BCAM: variants seen among roughly 807,000 people sequenced by gnomAD.
BCAM encodes basal cell adhesion molecule (Lutheran blood group).
BCAM carries 61 observed loss-of-function variants against 72.4 expected under a neutral mutation model. The ratio of observed to expected loss-of-function variants is 0.84; its 90% confidence interval spans 0.69 to 1.04. BCAM has a LOEUF of 1.04. Ranked by LOEUF, BCAM falls within the 50% of genes least tolerant of loss-of-function variation. BCAM has a pLI of 0.00. For missense variants in BCAM, 909 were observed against 895.0 expected (o/e 1.02, Z -0.20); for synonymous variants, 408 against 384.2 (o/e 1.06, Z -0.73).
In BCAM at chr19:44,820,739, T is replaced by C. The variant is rs758296347; in HGVS notation, c.1798T>C (p.Ser600Pro). The change falls in exon 14 of 15, where the codon TCG (serine) becomes CCG (proline). Residue 600 changes from serine (S) to proline (P), a missense_variant. By Grantham distance (74) the Ser-to-Pro change is moderately conservative. Coordinates refer to ENST00000270233, the MANE Select transcript of BCAM (RefSeq NM_005581.5). ...PGEPGLSHSG[S>P]EQPEQTGLLM... ...GGAGCCAGGGCTGAGCCACTCGGGG[T>C]CGGAGCAACCAGAGCAGACCGGCCT... is the stretch of plus-strand genomic sequence containing the variant. 23 of 1,444,916 alleles carry C rather than the reference T, an allele frequency of 1.6e-5. No individual in the cohort carries two copies. In the East Asian group the frequency reaches 5.6e-4, roughly 35 times the overall value. 89.5% of individuals were successfully genotyped at this position (1,444,916 alleles called of 1,614,324 possible). A position where few individuals can be genotyped will look rare whatever the true frequency, so the allele number is the denominator to read the frequency against.
rs1251033835 is a variant in BCAM, at chr19:44,819,394, A to T, written c.1522A>T (p.Thr508Ser). 1 of 1,614,012 alleles carries T rather than the reference A, an allele frequency of 6.2e-7. No individual in the cohort carries two copies. ...GCAGGGTTGGGTGAGCAGCTCTCTG[A>T]CCCTGAAAGTGACCAGCGCCCTGAG... is the stretch of plus-strand genomic sequence containing the variant. ...GRQGWVSSSL[T>S]LKVTSALSRD... Residue 508 changes from threonine to serine, a missense_variant, in exon 12 of 15, where the codon ACC (threonine) becomes TCC (serine). Physicochemically the swap from Thr to Ser is moderately conservative, Grantham distance 58. Transcript: ENST00000270233.
rs114801603 is a variant in BCAM at position 44,812,284 on chromosome 19, G to A, written c.326G>A (p.Arg109His). ...CCATACCAGCTGGACTCCCAGGGGC[G>A]CCTGGTGCTGGCTGAGGCCCAGGTG... The part of the protein sequence containing the change: ...SPPYQLDSQG[R>H]LVLAEAQVGD... Residue 109 changes from arginine (R) to histidine (H), a missense_variant, in exon 3 of 15, where the codon CGC (arginine) becomes CAC (histidine). Coordinates refer to ENST00000270233, the MANE Select transcript of BCAM (RefSeq NM_005581.5). This position sits in a 1 kb window ranked among gnomAD's most constrained non-coding sequence, Gnocchi z 5.3. 2.0e-4 allele frequency: 330 copies of A among 1,611,326 alleles called. No individual in the cohort carries two copies. The African/African-American group carries it at 3.1e-3, about 15-fold the overall frequency.
Position 44,811,254 on chromosome 19 carries a change from C to A in BCAM, c.112C>A (p.Pro38Thr). 1.2e-6 allele frequency: 2 copies of A among 1,612,762 alleles called. No individual in the cohort carries two copies. The highest frequency in any genetic ancestry group is 8.5e-7 in the Non-Finnish European group (1 of 1,179,930). The change falls in exon 2 of 15, where the codon CCC (proline) becomes ACC (threonine). Residue 38 changes from proline (P) to threonine (T), a missense_variant. By Grantham distance (38) the Pro-to-Thr change is conservative. Coordinates refer to ENST00000270233, the MANE Select transcript of BCAM (RefSeq NM_005581.5). ...DAQAEVRLSV[P>T]PLVEVMRGKS... Reference sequence around the variant, plus strand: ...CCAGGCGGAGGTGCGCTTGTCTGTACCCCCGCTGGTGGAGGTGATGCGAGG... The same window carrying A: ...CCAGGCGGAGGTGCGCTTGTCTGTAACCCCGCTGGTGGAGGTGATGCGAGG...
At position 44,818,550 on chromosome 19, in the gene BCAM, G is replaced by A; in HGVS notation, c.1107G>A (p.Gly369=). ...AYLDPLELSE[G]KVLSLPLNSS... is the part of the protein sequence containing the mutation. ...TGGACCCCCTGGAGCTCAGCGAGGG[G>A]AAGGTGCTTTCCTTACCTCTAAACA... Residue 369 remains glycine, a synonymous_variant, in exon 9 of 15, where the codon GGG becomes GGA. Coordinates refer to ENST00000270233, the MANE Select transcript of BCAM (RefSeq NM_005581.5). This position sits in a 1 kb window ranked among gnomAD's most constrained non-coding sequence, Gnocchi z 4.6. 1 of 1,614,068 alleles carries A rather than the reference G, an allele frequency of 6.2e-7. No individual in the cohort carries two copies. The highest frequency in any genetic ancestry group is 8.5e-7 in the Non-Finnish European group (1 of 1,179,982).
intron 8 of BCAM, among the ~76,000 whole-genome samples, chr19:44,815,665 TA>T (rs1968495252): frequency 6.6e-6 from 1 of 151,616 alleles, no homozygotes; most frequent in African/African-American, 2.4e-5. Context: ...TCTAGGGAGG[TA>T]AAGGAAGCAA....
At position 44,814,378 on chromosome 19, in the gene BCAM, G is replaced by A. The variant is rs1421476871; in HGVS notation, c.921+90G>A. The stretch of plus-strand genomic sequence containing the variant: ...CTGCATAACTTCTAATGTGGGACCT[G>A]GGAGTCCCCATGGCTTAGGCAGCCA... On this transcript the variant is annotated intron_variant, in intron 7 of 14. Coordinates refer to ENST00000270233, the MANE Select transcript of BCAM (RefSeq NM_005581.5). The surrounding 1 kb of genome is among the most constrained non-coding windows in gnomAD (Gnocchi z 4.6). 6.6e-6 allele frequency: 10 copies of A among 1,504,550 alleles called. No individual in the cohort carries two copies. Among genetic ancestry groups the A allele is most frequent in the Non-Finnish European group, 8.8e-6 (10 of 1,130,022 alleles). 93.2% of individuals were successfully genotyped at this position (1,504,550 alleles called of 1,614,324 possible). A position where few individuals can be genotyped will look rare whatever the true frequency, so the allele number is the denominator to read the frequency against.
Position 44,813,696 on chromosome 19 carries a change from T to C in BCAM, c.784+76T>C. On this transcript the variant is annotated intron_variant, in intron 6 of 14. Transcript: ENST00000270233. This position sits in a 1 kb window ranked among gnomAD's most constrained non-coding sequence, Gnocchi z 4.2. ...AGGCCTGACCCTCCACCCGGGGGCT[T>C]CACACTCCCCTCTGACCCTCTGCCT... 1 of 1,534,308 alleles carries C rather than the reference T, an allele frequency of 6.5e-7. No individual in the cohort carries two copies. Among genetic ancestry groups the C allele is most frequent in the Non-Finnish European group, 8.8e-7 (1 of 1,135,324 alleles).
rs1041940053 is a variant in BCAM, at chr19:44,814,125, A to G, written c.785-27A>G. ...AGCCTTGACCCTTCCCCTGATCACAATTCCCATCTCCCTGCCCTTCCCTTA... is the reference window on the plus strand; with the variant it reads ...AGCCTTGACCCTTCCCCTGATCACAGTTCCCATCTCCCTGCCCTTCCCTTA... On this transcript the variant is annotated intron_variant, in intron 6 of 14. Coordinates refer to ENST00000270233, the MANE Select transcript of BCAM (RefSeq NM_005581.5). The surrounding 1 kb of genome is among the most constrained non-coding windows in gnomAD (Gnocchi z 4.6). 3.8e-6 allele frequency: 6 copies of G among 1,559,742 alleles called. No individual in the cohort carries two copies. Among genetic ancestry groups the G allele is most frequent in the African/African-American group, 2.7e-5 (2 of 73,220 alleles).
intron 8 of BCAM, among the ~76,000 whole-genome samples, chr19:44,817,810 C>G (rs1968522493): frequency 6.6e-6 from 1 of 152,178 alleles, no homozygotes; most frequent in Non-Finnish European, 1.5e-5. Context: ...TCCCAAAGTG[C>G]TGGGGTTATA....
Position 44,812,164 on chromosome 19 carries a change from C to CGG in BCAM, c.206_207insGG (p.Asp70AlafsTer10), listed in dbSNP as rs774165338. The CGG allele has an allele frequency of 1.9e-6, 3 of 1,599,076 alleles. No individual in the cohort carries two copies. In the African/African-American group the frequency reaches 4.0e-5, roughly 21 times the overall value. ...TGAGAGCCTGCCCCGCGCCCACAGA[C>CGG]CGACCGCTCGGGAGCTCGCCCCCGC... On this transcript the variant is annotated frameshift_variant and splice_region_variant, in exon 3 of 15. Transcript: ENST00000270233. LOFTEE classifies it high-confidence loss of function. The surrounding 1 kb of genome is among the most constrained non-coding windows in gnomAD (Gnocchi z 5.3).
Position 44,813,754 on chromosome 19 carries a change from G to T in BCAM, c.784+134G>T. The T allele has an allele frequency of 2.4e-6, 3 of 1,276,364 alleles. No individual in the cohort carries two copies. The highest frequency in any genetic ancestry group is 3.2e-6 in the Non-Finnish European group (3 of 944,574). 79.1% of individuals were successfully genotyped at this position (1,276,364 alleles called of 1,614,324 possible). A position where few individuals can be genotyped will look rare whatever the true frequency, so the allele number is the denominator to read the frequency against. ...TCATGCTAAAAAAAAATGTGCTAGT[G>T]CTGGCCACTGACCTCTGACCTCAAT... On this transcript the variant is annotated intron_variant, in intron 6 of 14. Coordinates refer to ENST00000270233, the MANE Select transcript of BCAM (RefSeq NM_005581.5). The surrounding 1 kb of genome is among the most constrained non-coding windows in gnomAD (Gnocchi z 4.2).
In BCAM at chr19:44,811,671, G is replaced by A. The variant is rs552963392; in HGVS notation, c.204+325G>A. 17 of 339,912 alleles carry A rather than the reference G, an allele frequency of 5.0e-5. 1 individual carries two copies. Among genetic ancestry groups the A allele is most frequent in the South Asian group, 4.4e-4 (16 of 36,240 alleles). 21.1% of individuals were successfully genotyped at this position (339,912 alleles called of 1,614,324 possible). Reference sequence around the variant, plus strand: ...GGAGGCCGAGGCGGGTGGATCACGAGGTCAAGAGATCAAGACTGTCCTGAC... The same window carrying A: ...GGAGGCCGAGGCGGGTGGATCACGAAGTCAAGAGATCAAGACTGTCCTGAC... On this transcript the variant is annotated intron_variant, in intron 2 of 14. Transcript: ENST00000270233.
rs764635369 is a variant in BCAM, at chr19:44,814,274, C to T, written c.907C>T (p.Leu303Phe). ...GDGSPSPEYT[L>F]FRLQDEQEEV... The stretch of plus-strand genomic sequence containing the variant: ...CGGCAGCCCCAGCCCGGAGTATACG[C>T]TTTTCCGCCTTCAGGTGACCCACCC... Residue 303 changes from leucine (L) to phenylalanine (F), a missense_variant, in exon 7 of 15, where the codon CTT (leucine) becomes TTT (phenylalanine). Transcript: ENST00000270233. The surrounding 1 kb of genome is among the most constrained non-coding windows in gnomAD (Gnocchi z 4.6). The T allele has an allele frequency of 6.3e-7, 1 of 1,595,922 alleles. No individual in the cohort carries two copies.
At chr19:44,817,843 C>T (rs747986573) in intron 8 of BCAM, among the ~76,000 whole-genome samples, 1 of 152,172 alleles carries the variant, frequency 6.6e-6, no homozygotes, top group Non-Finnish European at 1.5e-5. Flanking sequence ...CGTGCCCGGC[C>T]TGACCAGTGG....
intron 8 of BCAM, among the ~76,000 whole-genome samples, chr19:44,817,064 C>T (rs1416302905): frequency 6.6e-6 from 1 of 151,894 alleles, no homozygotes; most frequent in African/African-American, 2.4e-5. Flanking sequence ...GGTGAAATCC[C>T]GTCTCTACTA....
intron 1 of BCAM, among the ~76,000 whole-genome samples, chr19:44,809,655 G>A (rs866541279): frequency 1.1e-3 from 168 of 152,102 alleles, no homozygotes; most frequent in Non-Finnish European, 2.5e-4. Context: ...TTAGAGAAGC[G>A]AGGACCATGT....
At chr19:44,815,980 C>G (rs1364930729) in intron 8 of BCAM, among the ~76,000 whole-genome samples, 1 of 152,062 alleles carries the variant, frequency 6.6e-6, no homozygotes, top group Non-Finnish European at 1.5e-5. Context: ...CCACTGCACT[C>G]CAGCCTGAGC....
At chr19:44,820,213 C>T in intron 13 of BCAM, 1 of 1,004,582 alleles carries the variant, frequency 1.0e-6, no homozygotes, top group African/African-American at 1.7e-5. Context: ...CCTGAGCTCA[C>T]CCTTAACTCC....
chr19:44,814,683 C>T lies in BCAM; in HGVS notation c.1001C>T (p.Thr334Ile), dbSNP rs1968478964. The T allele has an allele frequency of 1.2e-6, 2 of 1,613,942 alleles. No homozygotes were observed. The highest frequency in any genetic ancestry group is 1.3e-5 in the African/African-American group (1 of 74,890). Reference protein sequence around the residue: ...LEGVTRGQSGTYGCRVEDYDA... With the variant: ...LEGVTRGQSGIYGCRVEDYDA... ...GGAGTGACCCGGGGCCAGAGCGGGA[C>T]CTATGGCTGCAGAGTGGAGGATTAC... Residue 334 changes from threonine (T) to isoleucine (I), a missense_variant, in exon 8 of 15, where the codon ACC becomes ATC. Transcript: ENST00000270233. The surrounding 1 kb of genome is among the most constrained non-coding windows in gnomAD (Gnocchi z 4.6).
Sources: gnomAD v4.1 joint callset for allele counts (sites outside exome capture counted in the v4.1 genomes callset) on GRCh38, gnomAD v4.1.1 for gene constraint, Gnocchi (gnomAD v3.1) non-coding constraint, MANE v1.5 for transcripts, NCBI Gene and HGNC (gene_info 2026-07-23, HGNC 2026-07-21) for gene names.